STX11: variants seen among roughly 807,000 people sequenced by gnomAD.
STX11 encodes syntaxin-11.
Under a neutral mutation model 19.9 loss-of-function variants are expected in STX11, and 21 were observed. The observed-to-expected ratio is 1.06, with a 90% CI of 0.75 to 1.52. STX11 has a LOEUF of 1.52. STX11 is among the 40% of genes most tolerant of loss of function. STX11 has a pLI of 0.00. For missense variants in STX11, 438 were observed against 405.9 expected (o/e 1.08, Z -0.68); for synonymous variants, 193 against 174.4 (o/e 1.11, Z -0.84).
Position 144,177,252 on chromosome 6 carries a change from A to AT in STX11, c.-5-9365dup, listed in dbSNP as rs1801798936. On this transcript the variant is annotated intron_variant, in intron 1 of 1. Coordinates refer to ENST00000367568, the MANE Select transcript of STX11 (RefSeq NM_003764.4). This position sits in a 1 kb window ranked among gnomAD's most constrained non-coding sequence, Gnocchi z 4.4. The stretch of plus-strand genomic sequence containing the variant: ...CTGGACTCAAAATCTATTCCCCATC[A>AT]TTTTTTAAACATAGATCTTTGCTGT... Among the ~76,000 whole-genome samples, 1 of 152,230 alleles carries AT rather than the reference A, an allele frequency of 6.6e-6. No homozygotes were observed. Among genetic ancestry groups the AT allele is most frequent in the Non-Finnish European group, 1.5e-5 (1 of 68,034 alleles).
intron 1 of STX11, among the ~76,000 whole-genome samples, chr6:144,161,434 C>T (rs530868876): frequency 6.6e-6 from 1 of 152,134 alleles, no homozygotes; most frequent in African/African-American, 2.4e-5. Context: ...GTGGCATGAT[C>T]TCAGCTCACT....
chr6:144,150,769 C>G, intron 1 of STX11, 66 bp downstream of exon 1: 2 of 76,968 alleles, frequency 2.6e-5, no homozygotes, highest in Non-Finnish European at 4.9e-5. Context: ...GCGGAGAGAT[C>G]GGGGAGGGCG....
rs747974365 is a variant in STX11, at chr6:144,187,405, A to C, written c.778A>C (p.Lys260Gln). ...GACGGTCGACTACACCGGCCAGGCC[A>C]AGGCGCAGGTGCGGAAGGCCGTGCA... ...QKTVDYTGQA[K>Q]AQVRKAVQYE... Residue 260 changes from lysine to glutamine, a missense_variant, in exon 2 of 2, where the codon AAG (lysine) becomes CAG (glutamine). By Grantham distance (53) the Lys-to-Gln change is moderately conservative (BLOSUM62 1). Coordinates refer to ENST00000367568, the MANE Select transcript of STX11 (RefSeq NM_003764.4). This position sits in a 1 kb window ranked among gnomAD's most constrained non-coding sequence, Gnocchi z 5.6. 2 of 1,611,526 alleles carry C rather than the reference A, an allele frequency of 1.2e-6. No individual in the cohort carries two copies. The highest frequency in any genetic ancestry group is 1.7e-6 in the Non-Finnish European group (2 of 1,179,986).
upstream of STX11, chr6:144,150,512 C>G (rs1010433794): frequency 2.0e-6 from 2 of 985,222 alleles, no homozygotes; most frequent in Non-Finnish European, 2.4e-6. Context: ...GAGCCGGCGG[C>G]GCCCAGATGC....
In STX11 at chr6:144,165,843, TAAC is replaced by T. The variant is rs1173386516; in HGVS notation, c.-6+15143_-6+15145del. On this transcript the variant is annotated intron_variant, in intron 1 of 1. Transcript: ENST00000367568. This position sits in a 1 kb window ranked among gnomAD's most constrained non-coding sequence, Gnocchi z 5.8. The stretch of plus-strand genomic sequence containing the variant: ...TCTCATGTACATAACTTACGTAACT[TAAC>T]AATCAAAAAGTAACCTTTGTGAGGT... Among the ~76,000 whole-genome samples the T allele has an allele frequency of 6.6e-6, 1 of 152,204 alleles. No individual in the cohort carries two copies. Among genetic ancestry groups the T allele is most frequent in the Non-Finnish European group, 1.5e-5 (1 of 68,036 alleles).
At chr6:144,157,756 G>A (rs555841237) in intron 1 of STX11, among the ~76,000 whole-genome samples, 4 of 152,244 alleles carry the variant, frequency 2.6e-5, no homozygotes, top group Admixed American at 6.5e-5. Context: ...CCAAACAGCT[G>A]TGGCTATCCA....
In STX11 at chr6:144,151,238, A is replaced by T. The variant is rs1800998691; in HGVS notation, c.-6+535A>T. The T allele has an allele frequency of 1.0e-6, 1 of 985,252 alleles. No homozygotes were observed. Among genetic ancestry groups the T allele is most frequent in the Non-Finnish European group, 1.2e-6 (1 of 829,900 alleles). 61.0% of individuals were successfully genotyped at this position (985,252 alleles called of 1,614,324 possible). On this transcript the variant is annotated intron_variant, in intron 1 of 1. Transcript: ENST00000367568. This position sits in a 1 kb window ranked among gnomAD's most constrained non-coding sequence, Gnocchi z 4.6. ...GCCCACGTAAGACTTTGTTTTAGAA[A>T]CATGGAGAGAAGTAGTGGCAATGCC...
chr6:144,166,764 G>A (rs1251744911), intron 1 of STX11, among the ~76,000 whole-genome samples: 2 of 151,992 alleles, frequency 1.3e-5, no homozygotes, highest in Non-Finnish European at 2.9e-5. Context: ...GACCTGATGT[G>A]ATCCGCCCGC....
rs1052429828 is a variant in STX11 at position 144,159,613 on chromosome 6, C to T, written c.-6+8910C>T. ...ATGAGGTAAAATAGGTAACAAGGAA[C>T]GGAGAGGGAAGTTTCTGTGTGTCTC... On this transcript the variant is annotated intron_variant, in intron 1 of 1. Coordinates refer to ENST00000367568, the MANE Select transcript of STX11 (RefSeq NM_003764.4). The surrounding 1 kb of genome is among the most constrained non-coding windows in gnomAD (Gnocchi z 4.3). Among the ~76,000 whole-genome samples the T allele has an allele frequency of 9.2e-5, 14 of 151,986 alleles. No individual in the cohort carries two copies. The highest frequency in any genetic ancestry group is 2.4e-4 in the African/African-American group (10 of 41,350).
At chr6:144,161,322 G>A (rs922866397) in intron 1 of STX11, among the ~76,000 whole-genome samples, 2 of 152,130 alleles carry the variant, frequency 1.3e-5, no homozygotes, top group African/African-American at 2.4e-5. Flanking sequence ...AGTTAGTGGA[G>A]GAAAATCCTG....
At chr6:144,166,880 C>G (rs58766147) in intron 1 of STX11, among the ~76,000 whole-genome samples, 6,897 of 149,956 alleles carry the variant, frequency 0.046, 461 homozygotes, top group African/African-American at 0.14. Flanking sequence ...CTCTCCTTCC[C>G]TTCCCTTCCT....
upstream of STX11, among the ~76,000 whole-genome samples, chr6:144,148,854 C>T (rs967937737): frequency 1.3e-5 from 2 of 152,224 alleles, no homozygotes; most frequent in African/African-American, 4.8e-5. Context: ...TTCAGCCTCT[C>T]AAAGTGTACG....
chr6:144,166,274 T>G (rs1801474666), intron 1 of STX11, among the ~76,000 whole-genome samples: 1 of 152,192 alleles, frequency 6.6e-6, no homozygotes, highest in Non-Finnish European at 1.5e-5. Context: ...GCATTAAAAT[T>G]GTTAATTTGT....
Position 144,184,177 on chromosome 6 carries a change from A to C in STX11, c.-5-2446A>C, listed in dbSNP as rs1047012124. Among the ~76,000 whole-genome samples the C allele has an allele frequency of 1.3e-5, 2 of 152,212 alleles. No individual in the cohort carries two copies. Among genetic ancestry groups the C allele is most frequent in the Non-Finnish European group, 2.9e-5 (2 of 68,042 alleles). Reference sequence around the variant, plus strand: ...TGAACATTGACATGCATGTGTCTTTATAATAGAATGATTTATATTCCTTTG... The same window carrying C: ...TGAACATTGACATGCATGTGTCTTTCTAATAGAATGATTTATATTCCTTTG... On this transcript the variant is annotated intron_variant, in intron 1 of 1. Transcript: ENST00000367568. The surrounding 1 kb of genome is among the most constrained non-coding windows in gnomAD (Gnocchi z 6.5).
chr6:144,141,492 C>T, the STX11 span, among the ~76,000 whole-genome samples: 10 of 152,244 alleles, frequency 6.6e-5, no homozygotes, highest in African/African-American at 2.4e-4. Flanking sequence ...AAGAAATGAT[C>T]TTAGTAAACA....
the STX11 span, chr6:144,140,886 A>C: frequency 1.4e-6 from 1 of 705,368 alleles, no homozygotes; most frequent in Non-Finnish European, 1.7e-6. Flanking sequence ...GAATATGGCT[A>C]TACAAATGTT....
At position 144,169,023 on chromosome 6, in the gene STX11, G is replaced by C. The variant is rs896616688; in HGVS notation, c.-5-17600G>C. On this transcript the variant is annotated intron_variant, in intron 1 of 1. Transcript: ENST00000367568. The surrounding 1 kb of genome is among the most constrained non-coding windows in gnomAD (Gnocchi z 5.2). Reference sequence around the variant, plus strand: ...AGTGAACACAAGCTCCTGGTACCAAGTGCTTATGAAACTAATCAGAAAAGA... The same window carrying C: ...AGTGAACACAAGCTCCTGGTACCAACTGCTTATGAAACTAATCAGAAAAGA... Among the ~76,000 whole-genome samples the C allele has an allele frequency of 1.3e-5, 2 of 152,236 alleles. No individual in the cohort carries two copies. Among genetic ancestry groups the C allele is most frequent in the African/African-American group, 4.8e-5 (2 of 41,460 alleles).
At position 144,191,165 on chromosome 6, in the gene STX11, C is replaced by G. The variant is rs1802199818; in HGVS notation, c.*3674C>G. Among the ~76,000 whole-genome samples the G allele has an allele frequency of 6.6e-6, 1 of 150,732 alleles. No homozygotes were observed. Among genetic ancestry groups the G allele is most frequent in the Admixed American group, 6.6e-5 (1 of 15,062 alleles). On this transcript the variant is annotated 3_prime_UTR_variant, in exon 2 of 2. Transcript: ENST00000367568. ...TTTTAACATATACAGTGACTACTTT[C>G]TACTAGCCAAATATCAAATTTTACA...
chr6:144,141,538 G>A, the STX11 span, among the ~76,000 whole-genome samples: 1 of 152,054 alleles, frequency 6.6e-6, no homozygotes, highest in African/African-American at 2.4e-5. Context: ...GTTATCTGTT[G>A]CATTCTTTTC....
Sources: allele counts gnomAD v4.1 joint callset (sites outside exome capture counted in the v4.1 genomes callset), GRCh38; gene constraint gnomAD v4.1.1; non-coding constraint Gnocchi (gnomAD v3.1); transcripts MANE v1.5; gene names NCBI Gene and HGNC (gene_info 2026-07-23, HGNC 2026-07-21).